Variants in CPLANE1 observed in about 807,000 individuals in gnomAD.
CPLANE1 encodes ciliogenesis and planar polarity effector complex subunit 1.
Under a neutral mutation model 362.5 loss-of-function variants are expected in CPLANE1, and 263 were observed. That is an observed-to-expected ratio of 0.73 (90% CI 0.66 to 0.80). The LOEUF (loss-of-function observed/expected upper bound fraction) is 0.80, where lower values mean the gene tolerates loss of function less well. Among genes scored for constraint, CPLANE1 ranks in the 30% least tolerant of loss-of-function variants. The pLI is 0.00. For synonymous variants in CPLANE1, 1,212 were observed against 1,302.6 expected (o/e 0.93, Z 1.50); for missense variants, 3,461 against 3,793.4 (o/e 0.91, Z 2.30).
At chr5:37,149,081 GGTGT>G (rs375519014) in intron 42 of CPLANE1, among the ~76,000 whole-genome samples, 23 of 151,338 alleles carry the variant, frequency 1.5e-4, no homozygotes, top group Non-Finnish European at 2.5e-4. Flanking sequence ...AGCAAATTGT[GGTGT>G]GTGTGTGTGT....
Position 37,170,126 on chromosome 5 carries a change from TC to T in CPLANE1, c.6376del (p.Glu2126ArgfsTer41), listed in dbSNP as rs1779363778. 1 of 1,614,094 alleles carries T rather than the reference TC, an allele frequency of 6.2e-7. No individual in the cohort carries two copies. Among genetic ancestry groups the T allele is most frequent in the Non-Finnish European group, 8.5e-7 (1 of 1,180,042 alleles). On this transcript the variant is annotated frameshift_variant, in exon 33 of 53. Coordinates refer to ENST00000651892, the MANE Select transcript of CPLANE1 (RefSeq NM_001384732.1). LOFTEE classifies it high-confidence loss of function. The stretch of plus-strand genomic sequence containing the variant: ...GTTCTTGCGAGGCTCTCTGGCGTTC[TC>T]TCCCATTGACTGTGGTTTAATAAAA... ...RFFIKPQSMG[E>X]NAREPRKNSP...
chr5:37,229,823 A>G (rs1318336635), intron 9 of CPLANE1, among the ~76,000 whole-genome samples: 1 of 152,182 alleles, frequency 6.6e-6, no homozygotes, highest in Admixed American at 6.5e-5. Flanking sequence ...CTGCTTTCAT[A>G]GTAAAAGAAA....
intron 28 of CPLANE1, 54 bp downstream of exon 28, chr5:37,179,963 T>C (rs1055655067): frequency 8.2e-7 from 1 of 1,221,838 alleles, no homozygotes; most frequent in African/African-American, 1.6e-5. Flanking sequence ...ATAATATTAT[T>C]TACCAATTTC....
chr5:37,104,235 A>G (rs1423830843), downstream of CPLANE1, among the ~76,000 whole-genome samples: 1 of 152,094 alleles, frequency 6.6e-6, no homozygotes, highest in Admixed American at 6.5e-5. Flanking sequence ...CTTCTTCCCT[A>G]AACTGGTTAT....
rs115940807 is a variant in CPLANE1 at position 37,192,455 on chromosome 5, T to C, written c.3811+3403A>G. Reference sequence around the variant, plus strand: ...ATCCTATGGTCACACAACAAAATTGTCTAATGACACATTTCTTAGGACGTA... The same window carrying C: ...ATCCTATGGTCACACAACAAAATTGCCTAATGACACATTTCTTAGGACGTA... On this transcript the variant is annotated intron_variant, in intron 21 of 52. Transcript: ENST00000651892. Among the ~76,000 whole-genome samples the C allele has an allele frequency of 5.6e-3, 851 of 152,296 alleles. 11 individuals carry two copies. Among genetic ancestry groups the C allele is most frequent in the African/African-American group, 0.019 (808 of 41,548 alleles).
intron 2 of CPLANE1, 135 bp downstream of exon 2, chr5:37,247,483 G>A (rs1429472825): frequency 1.5e-6 from 1 of 667,952 alleles, no homozygotes; most frequent in Non-Finnish European, 2.4e-6. Flanking sequence ...TGTGCAGGTA[G>A]GTGATCCTCC....
intron 37 of CPLANE1, among the ~76,000 whole-genome samples, chr5:37,163,554 A>G (rs751803042): frequency 1.4e-4 from 22 of 152,222 alleles, no homozygotes; most frequent in Non-Finnish European, 2.6e-4. Flanking sequence ...ACTAGGTAGA[A>G]TAAGAAAGTA....
At chr5:37,151,280 C>T (rs1339688237) in intron 42 of CPLANE1, among the ~76,000 whole-genome samples, 1 of 152,194 alleles carries the variant, frequency 6.6e-6, no homozygotes, top group Admixed American at 6.5e-5. Context: ...CTGATGAATA[C>T]CAATTCATTA....
intron 6 of CPLANE1, among the ~76,000 whole-genome samples, chr5:37,240,999 G>C (rs986727419): frequency 2.6e-5 from 4 of 151,616 alleles, no homozygotes; most frequent in Non-Finnish European, 5.9e-5. Flanking sequence ...AGCCAGCCGT[G>C]GGGGTGCGCA....
chr5:37,201,304 A>C (rs1260642745), intron 19 of CPLANE1, among the ~76,000 whole-genome samples: 1 of 151,990 alleles, frequency 6.6e-6, no homozygotes, highest in Non-Finnish European at 1.5e-5. Flanking sequence ...TTGAATAATT[A>C]CTATATGTCC....
chr5:37,232,526 A>C lies in CPLANE1; in HGVS notation c.939-1477T>G, dbSNP rs1580947088. 2.0e-5 allele frequency among the ~76,000 whole-genome samples: 3 copies of C among 150,970 alleles called. No individual in the cohort carries two copies. The South Asian group carries it at 6.3e-4, about 32-fold the overall frequency. ...AGCAAGACTCCATCTTGGGGGAAAA[A>C]AAAAAAAAAAAAAAGACTAGGCTCT... is the stretch of plus-strand genomic sequence containing the variant. On this transcript the variant is annotated intron_variant, in intron 8 of 52. Coordinates refer to ENST00000651892, the MANE Select transcript of CPLANE1 (RefSeq NM_001384732.1).
chr5:37,113,546 C>G (rs1759966829), intron 51 of CPLANE1, among the ~76,000 whole-genome samples: 1 of 152,108 alleles, frequency 6.6e-6, no homozygotes, highest in African/African-American at 2.4e-5. Context: ...TCCAAACGAC[C>G]AGAAGCTTGG....
chr5:37,166,932 T>C (rs1778396671), intron 35 of CPLANE1, 115 bp downstream of exon 35: 2 of 767,806 alleles, frequency 2.6e-6, no homozygotes, highest in Non-Finnish European at 4.1e-6. Context: ...AAAAGAAAAC[T>C]GAATGTGCAA....
At chr5:37,212,472 ACT>A in intron 16 of CPLANE1, 1 of 665,008 alleles carries the variant, frequency 1.5e-6, no homozygotes, top group Non-Finnish European at 2.8e-6. Flanking sequence ...AACAGATAAA[ACT>A]CTGAATAAAA....
At chr5:37,108,566 A>C (rs1758226450) in intron 51 of CPLANE1, 95 bp from the exon 52 acceptor site, 13 of 1,161,124 alleles carry the variant, frequency 1.1e-5, no homozygotes, top group Non-Finnish European at 1.6e-5. Context: ...AAGCCAAGGT[A>C]GTCACATTTT....
intron 15 of CPLANE1, among the ~76,000 whole-genome samples, chr5:37,217,730 A>G (rs1324643797): frequency 1.3e-5 from 2 of 151,838 alleles, no homozygotes; most frequent in Non-Finnish European, 2.9e-5. Context: ...TAATCCTAGC[A>G]CTTTGGGAGG....
At position 37,244,567 on chromosome 5, in the gene CPLANE1, C is replaced by T. The variant is rs73750958; in HGVS notation, c.378G>A (p.Gly126=). The T allele has an allele frequency of 5.3e-3, 8,241 of 1,551,234 alleles. 402 individuals are homozygous for T. The African/African-American group carries it at 0.1, about 19-fold the overall frequency. Residue 126 remains glycine (G), a synonymous_variant, in exon 5 of 53, where the codon GGG becomes GGA. Coordinates refer to ENST00000651892, the MANE Select transcript of CPLANE1 (RefSeq NM_001384732.1). ...AAGGTGTTATGAGCACAATTCTTTT[C>T]CCATTTCCAGATACATACAAGTACA... ...LRLYLYVSGN[G]KRIVLITPSG... is the part of the protein sequence containing the mutation.
intron 6 of CPLANE1, among the ~76,000 whole-genome samples, chr5:37,241,280 C>T (rs1250342774): frequency 6.6e-6 from 1 of 152,128 alleles, no homozygotes; most frequent in East Asian, 1.9e-4. Flanking sequence ...ATGGCGAAAC[C>T]CCATCTTTAC....
At position 37,239,818 on chromosome 5, in the gene CPLANE1, A is replaced by T. The variant is rs1392560173; in HGVS notation, c.729T>A (p.Ser243Arg). Residue 243 changes from serine to arginine, a missense_variant, in exon 7 of 53, where the codon AGT becomes AGA. Transcript: ENST00000651892. Reference protein sequence around the residue: ...HWAQQDCHLCSLIPKCESVKS... With the variant: ...HWAQQDCHLCRLIPKCESVKS... ...TTACTGATTCACATTTAGGAATTAA[A>T]CTACAGAGATGACAGTCTTGTTGAG... 7.1e-6 allele frequency: 11 copies of T among 1,543,616 alleles called. No homozygotes were observed. Among genetic ancestry groups the T allele is most frequent in the Non-Finnish European group, 9.6e-6 (11 of 1,142,240 alleles).
Sources: allele counts gnomAD v4.1 joint callset (sites outside exome capture counted in the v4.1 genomes callset), GRCh38; gene constraint gnomAD v4.1.1; transcripts MANE v1.5; gene names NCBI Gene and HGNC (gene_info 2026-07-23, HGNC 2026-07-21).